Variants in C2CD5 observed in about 807,000 individuals in gnomAD.
C2CD5 encodes C2 domain-containing protein 5.
A neutral mutation model predicts 130.3 loss-of-function variants in C2CD5; 109 were observed. The observed-to-expected ratio is 0.84, with a 90% CI of 0.72 to 0.98. The LOEUF (loss-of-function observed/expected upper bound fraction) is 0.98, where lower values mean the gene tolerates loss of function less well. Ranked by LOEUF, C2CD5 falls within the 50% of genes least tolerant of loss-of-function variation. The pLI is 0.00. For missense variants in C2CD5, 996 were observed against 1,261.8 expected, an observed-to-expected ratio of 0.79 and a Z score of 3.19; for synonymous variants, 454 against 429.2, an observed-to-expected ratio of 1.06 and a Z score of -0.71.
At chr12:22,482,061 T>C (rs921345749) in intron 14 of C2CD5, among the ~76,000 whole-genome samples, 2 of 152,132 alleles carry the variant, frequency 1.3e-5, no homozygotes, top group Non-Finnish European at 2.9e-5. Context: ...TAAAGATTAA[T>C]CCACATCCTG....
At chr12:22,480,489 T>C (rs796191539) in intron 14 of C2CD5, among the ~76,000 whole-genome samples, 9 of 152,298 alleles carry the variant, frequency 5.9e-5, no homozygotes, top group African/African-American at 2.2e-4. Context: ...GCACTAGTGA[T>C]CAAGAAGGAA....
chr12:22,453,061 C>T (rs1255457609), intron 26 of C2CD5, among the ~76,000 whole-genome samples: 1 of 152,070 alleles, frequency 6.6e-6, no homozygotes, highest in East Asian at 1.9e-4. Context: ...TCTAGATGTA[C>T]AGGTAGGGGC....
At chr12:22,535,060 A>C (rs1247499207) in intron 3 of C2CD5, 198 bp downstream of exon 3, 6 of 453,500 alleles carry the variant, frequency 1.3e-5, no homozygotes, top group Non-Finnish European at 2.3e-5. Flanking sequence ...TCTTTTGTTA[A>C]TGTGTTATCA....
intron 11 of C2CD5, among the ~76,000 whole-genome samples, chr12:22,490,829 A>G (rs987240544): frequency 1.3e-5 from 2 of 152,210 alleles, no homozygotes; most frequent in Admixed American, 6.5e-5. Context: ...AACAATCAAC[A>G]TAATTATTGA....
intron 16 of C2CD5, among the ~76,000 whole-genome samples, chr12:22,474,404 A>C (rs1474914288): frequency 6.6e-6 from 1 of 152,170 alleles, no homozygotes; most frequent in African/African-American, 2.4e-5. Flanking sequence ...AACTACAGTA[A>C]TATACAAAAA....
chr12:22,489,866 C>T (rs564891696), intron 12 of C2CD5, among the ~76,000 whole-genome samples: 1 of 152,014 alleles, frequency 6.6e-6, no homozygotes, highest in South Asian at 2.1e-4. Context: ...AAAATGGACA[C>T]CTGAAATTCT....
intron 2 of C2CD5, 30 bp downstream of exon 2, chr12:22,544,031 G>T: frequency 6.5e-7 from 1 of 1,536,894 alleles, no homozygotes; most frequent in Non-Finnish European, 9.0e-7. Flanking sequence ...GGCGCTCCCT[G>T]TGTTTTGAGG....
Position 22,470,874 on chromosome 12 carries a change from T to C in C2CD5, c.2396A>G (p.Asn799Ser). The change falls in exon 21 of 27, where the codon AAT becomes AGT. Residue 799 changes from asparagine (N) to serine (S), a missense_variant. Coordinates refer to ENST00000446597, the MANE Select transcript of C2CD5 (RefSeq NM_001286176.2). ...VTAVAITFDK[N>S]QALQTTKTPV... Reference sequence around the variant, plus strand: ...GGTTTTTGTGGTTTGTAAAGCCTGATTTTTGTCAAAAGTGATTGCGACTGC... The same window carrying C: ...GGTTTTTGTGGTTTGTAAAGCCTGACTTTTGTCAAAAGTGATTGCGACTGC... 1.2e-6 allele frequency: 2 copies of C among 1,612,790 alleles called. No homozygotes were observed. The highest frequency in any genetic ancestry group is 1.7e-6 in the Non-Finnish European group (2 of 1,179,012).
In C2CD5 at chr12:22,493,221, A is replaced by G; in HGVS notation, c.1262+2T>C. On this transcript the variant is annotated splice_donor_variant, in intron 11 of 26. Transcript: ENST00000446597. LOFTEE classifies it high-confidence loss of function. ...GAAAATCAAGTTGTTATTATCATTT[A>G]CCAGATGCTAGTTGATTCACTGTAG... is the stretch of plus-strand genomic sequence containing the variant. 6.7e-7 allele frequency: 1 copy of G among 1,500,466 alleles called. No individual in the cohort carries two copies. 92.9% of individuals were successfully genotyped at this position (1,500,466 alleles called of 1,614,324 possible). A position where few individuals can be genotyped will look rare whatever the true frequency, so the allele number is the denominator to read the frequency against.
At chr12:22,538,866 C>T (rs1952073081) in intron 2 of C2CD5, among the ~76,000 whole-genome samples, 1 of 152,084 alleles carries the variant, frequency 6.6e-6, no homozygotes, top group East Asian at 1.9e-4. Flanking sequence ...TCATGACAAG[C>T]CCACGCTTCA....
intron 20 of C2CD5, among the ~76,000 whole-genome samples, chr12:22,471,127 C>T (rs1253909184): frequency 2.0e-5 from 3 of 151,916 alleles, no homozygotes; most frequent in Non-Finnish European, 2.9e-5. Flanking sequence ...AGCTCAAGAA[C>T]CTTCTCTAAA....
At chr12:22,540,785 G>A (rs915872969) in intron 2 of C2CD5, among the ~76,000 whole-genome samples, 1 of 152,152 alleles carries the variant, frequency 6.6e-6, no homozygotes, top group Non-Finnish European at 1.5e-5. Flanking sequence ...CTTGAACCCA[G>A]GTGACGGAAG....
At chr12:22,465,031 A>T (rs527814294) in intron 22 of C2CD5, among the ~76,000 whole-genome samples, 1 of 152,298 alleles carries the variant, frequency 6.6e-6, no homozygotes, top group East Asian at 1.9e-4. Context: ...TTTAACAAAG[A>T]AAAAGTAACT....
At chr12:22,507,072 TTC>T (rs1948639887) in intron 9 of C2CD5, 1 of 286,956 alleles carries the variant, frequency 3.5e-6, no homozygotes, top group Admixed American at 4.5e-5. Flanking sequence ...AAAAAAAGTG[TTC>T]CTTCAATTTA....
At chr12:22,472,201 TAA>T (rs373390040) in intron 18 of C2CD5, 83 bp downstream of exon 18, 229 of 693,918 alleles carry the variant, frequency 3.3e-4, no homozygotes, top group Middle Eastern at 5.3e-4. Flanking sequence ...AATAAGGAGG[TAA>T]AAAAAAAAAG....
At chr12:22,516,252 C>T (rs1949710556) in intron 8 of C2CD5, among the ~76,000 whole-genome samples, 2 of 151,654 alleles carry the variant, frequency 1.3e-5, no homozygotes, top group Admixed American at 1.3e-4. Context: ...ACAATTTTGC[C>T]ATTTGAAGTC....
At chr12:22,463,115 G>A (rs549612115) in intron 22 of C2CD5, among the ~76,000 whole-genome samples, 14 of 146,988 alleles carry the variant, frequency 9.5e-5, no homozygotes, top group African/African-American at 3.3e-4. Flanking sequence ...GGCCAGGTGC[G>A]GTGGCTCACA....
intron 10 of C2CD5, among the ~76,000 whole-genome samples, chr12:22,499,675 A>T (rs764455383): frequency 6.6e-5 from 10 of 152,084 alleles, no homozygotes; most frequent in Non-Finnish European, 1.5e-4. Flanking sequence ...ATCTAATGCA[A>T]ATGTGCCCAT....
intron 3 of C2CD5, among the ~76,000 whole-genome samples, chr12:22,533,865 T>C (rs977941862): frequency 6.6e-6 from 1 of 152,182 alleles, no homozygotes; most frequent in Non-Finnish European, 1.5e-5. Context: ...CAACTGAATT[T>C]CTACATGCAT....
Sources: allele counts gnomAD v4.1 joint callset (sites outside exome capture counted in the v4.1 genomes callset), GRCh38; gene constraint gnomAD v4.1.1; transcripts MANE v1.5; gene names NCBI Gene and HGNC (gene_info 2026-07-23, HGNC 2026-07-21).